PYROXD2: variants seen among roughly 807,000 people sequenced by gnomAD.
PYROXD2 encodes the protein pyridine nucleotide-disulphide oxidoreductase domain 2, also known as pyridine nucleotide-disulfide oxidoreductase domain-containing protein 2.
In PYROXD2, 69 loss-of-function variants were observed where a neutral mutation model predicts 71.1. The ratio of observed to expected loss-of-function variants is 0.97; its 90% CI spans 0.80 to 1.19. The LOEUF is 1.19. PYROXD2 is among the 50% of genes most tolerant of loss of function. The pLI is 0.00. For synonymous variants in PYROXD2, 287 were observed against 302.7 expected (o/e 0.95, Z 0.54); for missense variants, 745 against 748.9 (o/e 0.99, Z 0.06).
intron 4 of PYROXD2, among the ~76,000 whole-genome samples, chr10:98,405,733 A>G (rs1232490992): frequency 6.6e-6 from 1 of 152,176 alleles, no homozygotes; most frequent in African/African-American, 2.4e-5. Context: ...GTTCACCGCA[A>G]AGTACCAAGA....
intron 12 of PYROXD2, among the ~76,000 whole-genome samples, chr10:98,390,287 G>C (rs1023665808): frequency 6.6e-6 from 1 of 152,200 alleles, no homozygotes; most frequent in Non-Finnish European, 1.5e-5. Context: ...CTCTGAATGA[G>C]AGAACTTCCT....
Position 98,408,028 on chromosome 10 carries a change from C to T in PYROXD2, c.148-31G>A, listed in dbSNP as rs200562521. On this transcript the variant is annotated intron_variant, in intron 2 of 15. Coordinates refer to ENST00000370575, the MANE Select transcript of PYROXD2 (RefSeq NM_032709.3). ...AAGTGGGGCAGCACACAGGGCCCTC[C>T]CTTTATCCCTCTGAAATGTCAGGGC... is the stretch of plus-strand genomic sequence containing the variant. 2.4e-4 allele frequency: 374 copies of T among 1,569,482 alleles called. 3 individuals carry two copies. In the East Asian group the frequency reaches 7.9e-3, roughly 33 times the overall value.
chr10:98,408,462 G>A (rs942807), intron 2 of PYROXD2, among the ~76,000 whole-genome samples: 52,688 of 152,048 alleles, frequency 0.35, 9,921 homozygotes, highest in South Asian at 0.49. Context: ...TACCTGATCC[G>A]TCTGGCCTCA....
intron 9 of PYROXD2, 102 bp downstream of exon 9, chr10:98,392,840 C>T (rs1187547085): frequency 7.2e-5 from 97 of 1,345,516 alleles, no homozygotes; most frequent in Non-Finnish European, 9.5e-5. Context: ...CCCCTCATGG[C>T]CCCTCTGTTC....
chr10:98,400,312 A>C, intron 4 of PYROXD2, 55 bp from the exon 5 acceptor site: 3 of 1,520,294 alleles, frequency 2.0e-6, no homozygotes, highest in South Asian at 2.5e-5. Flanking sequence ...GTCTCTGCCC[A>C]TCATCTTTCT....
intron 7 of PYROXD2, 26 bp downstream of exon 7, chr10:98,395,365 G>C (rs545065850): frequency 1.2e-6 from 2 of 1,613,712 alleles, no homozygotes; most frequent in East Asian, 2.2e-5. Flanking sequence ...CTGCCTGGTC[G>C]GGCCTGAGGC....
At chr10:98,401,266 A>C (rs1301521054) in intron 4 of PYROXD2, among the ~76,000 whole-genome samples, 1 of 146,438 alleles carries the variant, frequency 6.8e-6, no homozygotes, top group Non-Finnish European at 1.5e-5. Flanking sequence ...AAAAAAAAAA[A>C]CAAAAAAAAA....
At position 98,392,543 on chromosome 10, in the gene PYROXD2, G is replaced by A; in HGVS notation, c.951C>T (p.Asn317=). 6.2e-7 allele frequency: 1 copy of A among 1,612,634 alleles called. No individual in the cohort carries two copies. Residue 317 remains asparagine, a synonymous_variant, in exon 10 of 16, where the codon AAC becomes AAT. Transcript: ENST00000370575. ...TEKTVAKVQV[N]SEGCVQGVVL... is the part of the protein sequence containing the mutation. Reference sequence around the variant, plus strand: ...CAACTCCTTGAACACAGCCTTCACTGTTCACCTGCACCTTCGCCACTGTCT... The same window carrying A: ...CAACTCCTTGAACACAGCCTTCACTATTCACCTGCACCTTCGCCACTGTCT...
chr10:98,388,354 C>G lies in PYROXD2; in HGVS notation c.1447G>C (p.Val483Leu), dbSNP rs558942655. The G allele has an allele frequency of 1.9e-6, 3 of 1,613,868 alleles. No homozygotes were observed. In the African/African-American group the frequency reaches 4.0e-5, roughly 22 times the overall value. The change falls in exon 13 of 16, where the codon GTG becomes CTG. Residue 483 changes from valine (V) to leucine (L), a missense_variant and splice_region_variant. Transcript: ENST00000370575. ...AGGCAGAACGTGCAGCTGTCTTTAC[C>G]TCTGTCTGCATAAGCGTCTCTCTCC... is the stretch of plus-strand genomic sequence containing the variant. ...EQERDAYADR[V>L]FDCIEVYAPG...
chr10:98,390,890 G>A (rs1842925316), intron 11 of PYROXD2, 120 bp downstream of exon 11: 2 of 1,356,332 alleles, frequency 1.5e-6, no homozygotes, highest in African/African-American at 2.9e-5. Context: ...AGGCTGCAGG[G>A]GGACACAGGC....
intron 1 of PYROXD2, chr10:98,414,736 T>A: frequency 2.4e-6 from 1 of 418,328 alleles, no homozygotes; most frequent in Non-Finnish European, 4.2e-6. Flanking sequence ...GCTCACCTAG[T>A]CTTCCTGTCA....
intron 1 of PYROXD2, among the ~76,000 whole-genome samples, chr10:98,413,511 T>C (rs1843858454): frequency 6.6e-6 from 1 of 152,028 alleles, no homozygotes; most frequent in Non-Finnish European, 1.5e-5. Flanking sequence ...GCCAGGAGTT[T>C]GAGATCAGCC....
chr10:98,407,639 G>C lies in PYROXD2; in HGVS notation c.258C>G (p.Arg86=). 1 of 897,932 alleles carries C rather than the reference G, an allele frequency of 1.1e-6. No individual in the cohort carries two copies. Among genetic ancestry groups the C allele is most frequent in the South Asian group, 3.0e-5 (1 of 33,190 alleles). The allele number at this position is 897,932 out of a possible 1,614,324, so 55.6% of individuals were successfully genotyped here. The change falls in exon 4 of 16, where the codon CGC becomes CGG. Residue 86 remains arginine (R), a synonymous_variant. Coordinates refer to ENST00000370575, the MANE Select transcript of PYROXD2 (RefSeq NM_032709.3). ...TCAGCAGGCTGAGCAGGTAGGACGC[G>C]CGGGAGAACTTAAACCCTGAAACCG... ...EEIIPGFKFS[R]ASYLLSLLRP...
At chr10:98,409,898 C>T (rs1221835251) in intron 2 of PYROXD2, among the ~76,000 whole-genome samples, 1 of 151,960 alleles carries the variant, frequency 6.6e-6, no homozygotes, top group South Asian at 2.1e-4. Flanking sequence ...GCCAACATGG[C>T]GAAACCCCGT....
At position 98,415,063 on chromosome 10, in the gene PYROXD2, T is replaced by G; in HGVS notation, c.73A>C (p.Thr25Pro). 1 of 1,613,934 alleles carries G rather than the reference T, an allele frequency of 6.2e-7. No individual in the cohort carries two copies. The highest frequency in any genetic ancestry group is 8.5e-7 in the Non-Finnish European group (1 of 1,179,922). The change falls in exon 1 of 16, where the codon ACG becomes CCG. Residue 25 changes from threonine to proline, a missense_variant. Thr to Pro is a conservative substitution (Grantham distance 38). Coordinates refer to ENST00000370575, the MANE Select transcript of PYROXD2 (RefSeq NM_032709.3). ...GGCTTCAGACCTCCCCTGGCTTCCG[T>G]GTTATCTCGTCTCCACGCCGGGAAG... is the stretch of plus-strand genomic sequence containing the variant. ...SPFPAWRRDN[T>P]EARGGLKPEY...
At chr10:98,387,398 T>A in intron 13 of PYROXD2, 91 bp from the exon 14 acceptor site, 2 of 808,266 alleles carry the variant, frequency 2.5e-6, no homozygotes, top group African/African-American at 1.7e-5. Context: ...TAACAGTCAT[T>A]AAATTACACA....
intron 2 of PYROXD2, among the ~76,000 whole-genome samples, chr10:98,409,574 C>G (rs1843719697): frequency 1.3e-5 from 2 of 152,182 alleles, no homozygotes; most frequent in Admixed American, 1.3e-4. Flanking sequence ...TGGATGCCAG[C>G]CTTCCTTGGC....
chr10:98,387,241 G>A lies in PYROXD2; in HGVS notation c.1514C>T (p.Thr505Ile), dbSNP rs934018738. 1.9e-6 allele frequency: 3 copies of A among 1,614,180 alleles called. No individual in the cohort carries two copies. The highest frequency in any genetic ancestry group is 1.7e-6 in the Non-Finnish European group (2 of 1,180,020). ...KDSVVGRDIL[T>I]PPDLERIFGL... ...GAAGATTCTCTCCAAATCTGGTGGT[G>A]TGAGGATGTCTCTGCCAACCACAGA... is the stretch of plus-strand genomic sequence containing the variant. The change falls in exon 14 of 16, where the codon ACA becomes ATA. Residue 505 changes from threonine (T) to isoleucine (I), a missense_variant. Coordinates refer to ENST00000370575, the MANE Select transcript of PYROXD2 (RefSeq NM_032709.3).
intron 4 of PYROXD2, among the ~76,000 whole-genome samples, chr10:98,407,131 C>T (rs1843623550): frequency 6.6e-6 from 1 of 151,994 alleles, no homozygotes; most frequent in Non-Finnish European, 1.5e-5. Flanking sequence ...CAAACAGCGC[C>T]AGATGAGACT....
Sources: gnomAD v4.1 joint callset for allele counts (sites outside exome capture counted in the v4.1 genomes callset) on GRCh38, gnomAD v4.1.1 for gene constraint, MANE v1.5 for transcripts, NCBI Gene and HGNC (gene_info 2026-07-23, HGNC 2026-07-21) for gene names.